The following CFAP299 variants were observed in gnomAD, a reference collection of about 807,000 sequenced individuals.
CFAP299 encodes cilia- and flagella-associated protein 299.
CFAP299 carries 21 observed loss-of-function variants against 27.0 expected under a neutral mutation model. That is an observed-to-expected ratio of 0.78 (90% CI 0.55 to 1.12). The LOEUF is 1.12. CFAP299 is among the 50% of genes most tolerant of loss of function. The pLI is 0.00. For synonymous variants in CFAP299, 104 were observed against 98.1 expected, an observed-to-expected ratio of 1.06 and a Z score of -0.36; for missense variants, 310 against 276.6, an observed-to-expected ratio of 1.12 and a Z score of -0.86.
intron 2 of CFAP299, among the ~76,000 whole-genome samples, chr4:80,551,575 G>T (rs996738060): frequency 2.0e-5 from 3 of 152,004 alleles, no homozygotes; most frequent in African/African-American, 7.2e-5. Flanking sequence ...ACTGTAAATA[G>T]TAAGATATAT....
At chr4:80,952,965 G>A (rs978217312) in intron 5 of CFAP299, among the ~76,000 whole-genome samples, 2 of 152,016 alleles carry the variant, frequency 1.3e-5, no homozygotes, top group African/African-American at 2.4e-5. Flanking sequence ...ACATTTCTAC[G>A]TCCTATATGC....
intron 2 of CFAP299, among the ~76,000 whole-genome samples, chr4:80,429,513 G>A (rs1727703627): frequency 6.6e-6 from 1 of 151,952 alleles, no homozygotes; most frequent in South Asian, 2.1e-4. Context: ...ATTTATTTTG[G>A]TGGCTGTGGT....
upstream of CFAP299, chr4:80,335,580 T>C: frequency 1.7e-6 from 1 of 593,568 alleles, no homozygotes; most frequent in East Asian, 3.0e-5. Context: ...TGAACTTGGG[T>C]GGGTAATTCC....
At chr4:80,880,930 G>T (rs955197347) in intron 4 of CFAP299, among the ~76,000 whole-genome samples, 4 of 152,094 alleles carry the variant, frequency 2.6e-5, no homozygotes, top group Non-Finnish European at 5.9e-5. Context: ...GCCTTTGCAG[G>T]GTGCCCTTCT....
chr4:80,671,878 G>A (rs1451698409), intron 3 of CFAP299, among the ~76,000 whole-genome samples: 1 of 152,186 alleles, frequency 6.6e-6, no homozygotes, highest in Non-Finnish European at 1.5e-5. Context: ...TTGCTTATCA[G>A]CTTAAGGAGA....
chr4:80,707,929 AG>A (rs1159578609), intron 3 of CFAP299, among the ~76,000 whole-genome samples: 1 of 152,086 alleles, frequency 6.6e-6, no homozygotes, highest in East Asian at 1.9e-4. Context: ...CTTTGGAGGA[AG>A]GAAAATTCAG....
At chr4:80,349,875 G>T (rs1162403723) in intron 1 of CFAP299, among the ~76,000 whole-genome samples, 1 of 152,162 alleles carries the variant, frequency 6.6e-6, no homozygotes, top group Non-Finnish European at 1.5e-5. Context: ...GTCTAGCAGT[G>T]CAGTGCTGCA....
chr4:80,647,332 A>G (rs1390698554), intron 3 of CFAP299, among the ~76,000 whole-genome samples: 2 of 152,186 alleles, frequency 1.3e-5, no homozygotes, highest in Non-Finnish European at 2.9e-5. Context: ...TGTTTGGTGC[A>G]TGCTCTTGCC....
intron 5 of CFAP299, among the ~76,000 whole-genome samples, chr4:80,958,409 A>C (rs2109866819): frequency 6.6e-6 from 1 of 152,284 alleles, no homozygotes; most frequent in South Asian, 2.1e-4. Flanking sequence ...TTCTTACTGA[A>C]CTGATGCAGA....
intron 3 of CFAP299, among the ~76,000 whole-genome samples, chr4:80,719,694 C>A (rs1391755497): frequency 1.3e-5 from 2 of 152,198 alleles, no homozygotes; most frequent in Admixed American, 1.3e-4. Context: ...CAGCACACCA[C>A]CACTGCAGTG....
At chr4:80,581,109 A>G (rs1186785802) in intron 2 of CFAP299, among the ~76,000 whole-genome samples, 1 of 151,820 alleles carries the variant, frequency 6.6e-6, no homozygotes, top group African/African-American at 2.4e-5. Context: ...TCTCTGTTCA[A>G]ATTTCACAGA....
chr4:80,393,693 C>T (rs1725621202), intron 2 of CFAP299, among the ~76,000 whole-genome samples: 1 of 152,070 alleles, frequency 6.6e-6, no homozygotes, highest in African/African-American at 2.4e-5. Context: ...GTAGGCTATA[C>T]CATCTAGGTT....
rs1719174920 is a variant in CFAP299, at chr4:80,673,618, T to TA, written c.333+90438dup. Among the ~76,000 whole-genome samples, 3 of 152,300 alleles carry TA rather than the reference T, an allele frequency of 2.0e-5. No homozygotes were observed. In the South Asian group the frequency reaches 6.2e-4, roughly 32 times the overall value. On this transcript the variant is annotated intron_variant, in intron 3 of 5. Transcript: ENST00000358105. Reference sequence around the variant, plus strand: ...CTGTCTAATATTGACAGTGGGGTGTTAAAGTCTCCCATTATTATTGTGTGG... The same window carrying TA: ...CTGTCTAATATTGACAGTGGGGTGTTAAAAGTCTCCCATTATTATTGTGTGG...
intron 2 of CFAP299, among the ~76,000 whole-genome samples, chr4:80,413,890 A>G (rs1298334752): frequency 1.3e-5 from 2 of 151,466 alleles, no homozygotes; most frequent in African/African-American, 2.4e-5. Context: ...CATAATTGCA[A>G]ATTTCCAGGA....
At chr4:80,569,987 C>G (rs182612434) in intron 2 of CFAP299, among the ~76,000 whole-genome samples, 126 of 151,608 alleles carry the variant, frequency 8.3e-4, no homozygotes, top group South Asian at 1.7e-3. Context: ...AAATCAAAGA[C>G]ATTTTGAAAA....
At chr4:80,327,323 C>T in the CFAP299 span, among the ~76,000 whole-genome samples, 1 of 151,920 alleles carries the variant, frequency 6.6e-6, no homozygotes, top group African/African-American at 2.4e-5. Flanking sequence ...GCATGGCCAT[C>T]AGGTAGAGTG....
the CFAP299 span, among the ~76,000 whole-genome samples, chr4:80,325,692 A>G: frequency 1.3e-5 from 2 of 152,210 alleles, no homozygotes; most frequent in African/African-American, 4.8e-5. Context: ...ATTTAATTTC[A>G]CTTATTATGT....
chr4:80,450,590 A>T (rs1168407765), intron 2 of CFAP299, among the ~76,000 whole-genome samples: 2 of 152,044 alleles, frequency 1.3e-5, no homozygotes, highest in African/African-American at 4.8e-5. Context: ...TGGTTAGGTT[A>T]GTTTAGGTTG....
At chr4:80,352,332 C>T (rs1253924423) in intron 1 of CFAP299, among the ~76,000 whole-genome samples, 4 of 152,136 alleles carry the variant, frequency 2.6e-5, no homozygotes, top group Non-Finnish European at 5.9e-5. Flanking sequence ...CTTTGGGAGG[C>T]TGATGTGGGT....
Sources: gnomAD v4.1 joint callset for allele counts (sites outside exome capture counted in the v4.1 genomes callset) on GRCh38, gnomAD v4.1.1 for gene constraint, MANE v1.5 for transcripts, NCBI Gene and HGNC (gene_info 2026-07-23, HGNC 2026-07-21) for gene names.